EEF1AKMT2: variants seen among roughly 807,000 people sequenced by gnomAD.
EEF1AKMT2 encodes EEF1A lysine methyltransferase 2, also known as eukaryotic translation elongation factor 1 alpha lysine methyltransferase 2.
Under a neutral mutation model 35.8 loss-of-function variants are expected in EEF1AKMT2, and 32 were observed. The observed-to-expected ratio is 0.89, with a 90% CI of 0.67 to 1.20. The LOEUF (loss-of-function observed/expected upper bound fraction) is 1.20, where lower values mean the gene tolerates loss of function less well. Ranked by LOEUF, EEF1AKMT2 falls within the 50% of genes most tolerant of loss-of-function variation. The pLI is 0.00. For missense variants in EEF1AKMT2, 330 were observed against 347.5 expected (o/e 0.95, Z 0.40); for synonymous variants, 121 against 133.7 (o/e 0.91, Z 0.65).
At chr10:124,772,895 T>C (rs925861818) in intron 4 of EEF1AKMT2, among the ~76,000 whole-genome samples, 1 of 152,236 alleles carries the variant, frequency 6.6e-6, no homozygotes, top group African/African-American at 2.4e-5. Flanking sequence ...TGATCTTCTA[T>C]CTGGAGCACT....
At position 124,772,335 on chromosome 10, in the gene EEF1AKMT2, A is replaced by T. The variant is rs144538840; in HGVS notation, c.399+2340T>A. 7.0e-4 allele frequency among the ~76,000 whole-genome samples: 106 copies of T among 151,540 alleles called. 1 individual carries two copies. The East Asian group carries it at 0.016, about 23-fold the overall frequency. ...AGCTTCACTGGTTATTTCCTAGCTA[A>T]CTTGCTACACCTTCTACCTTCTACA... On this transcript the variant is annotated intron_variant, in intron 4 of 6. Coordinates refer to ENST00000368836, the MANE Select transcript of EEF1AKMT2 (RefSeq NM_212554.4).
chr10:124,763,921 GAAAGA>G (rs1272195123), intron 5 of EEF1AKMT2, among the ~76,000 whole-genome samples: 3 of 152,078 alleles, frequency 2.0e-5, no homozygotes, highest in Non-Finnish European at 4.4e-5. Flanking sequence ...TAAATGGCAT[GAAAGA>G]AAAGACAATA....
Position 124,791,821 on chromosome 10 carries a change from C to T in EEF1AKMT2, c.13G>A (p.Ala5Thr), listed in dbSNP as rs753427613. The change falls in exon 1 of 7, where the codon GCT (alanine) becomes ACT (threonine). Residue 5 changes from alanine (A) to threonine (T), a missense_variant. By Grantham distance (58) the Ala-to-Thr change is moderately conservative. Transcript: ENST00000368836. ...ACCGCAGCGCCACCGCCGCCGTCAG[C>T]GCCCGAGCTCATTTCGCTCCACGTC... Reference protein sequence around the residue: MSSGADGGGGAAVAA... With the variant: MSSGTDGGGGAAVAA... The T allele has an allele frequency of 2.5e-6, 4 of 1,580,956 alleles. No individual in the cohort carries two copies. The South Asian group carries it at 3.4e-5, about 14-fold the overall frequency.
intron 3 of EEF1AKMT2, among the ~76,000 whole-genome samples, chr10:124,781,838 T>C (rs1485507076): frequency 6.6e-6 from 1 of 151,954 alleles, no homozygotes; most frequent in African/African-American, 2.4e-5. Context: ...TCCTAGTGCA[T>C]TCCTTAAAAT....
chr10:124,761,281 T>A (rs1950329394), intron 6 of EEF1AKMT2, among the ~76,000 whole-genome samples: 1 of 152,166 alleles, frequency 6.6e-6, no homozygotes, highest in Non-Finnish European at 1.5e-5. Flanking sequence ...GCAAAATAAC[T>A]TGGAAATATA....
chr10:124,760,824 A>G (rs1169130236), intron 6 of EEF1AKMT2, among the ~76,000 whole-genome samples: 2 of 152,202 alleles, frequency 1.3e-5, no homozygotes, highest in Non-Finnish European at 2.9e-5. Flanking sequence ...GTTAGCCTCT[A>G]TCACCTGGTT....
intron 4 of EEF1AKMT2, among the ~76,000 whole-genome samples, chr10:124,768,855 T>G (rs1389668720): frequency 6.6e-6 from 1 of 152,016 alleles, no homozygotes; most frequent in Non-Finnish European, 1.5e-5. Flanking sequence ...TGTAGTAGTT[T>G]AAACAAGAAA....
At chr10:124,773,398 T>TTTTG (rs1950456836) in intron 4 of EEF1AKMT2, among the ~76,000 whole-genome samples, 1 of 152,052 alleles carries the variant, frequency 6.6e-6, no homozygotes, top group Admixed American at 6.6e-5. Flanking sequence ...CACCTGGCTA[T>TTTTG]TTTTTGTACT....
chr10:124,772,861 C>T (rs1224365305), intron 4 of EEF1AKMT2, among the ~76,000 whole-genome samples: 1 of 152,234 alleles, frequency 6.6e-6, no homozygotes, highest in African/African-American at 2.4e-5. Context: ...TAGGCTGTGG[C>T]TTGAGAGAAT....
At chr10:124,791,655 C>A in intron 1 of EEF1AKMT2, 69 bp downstream of exon 1, 1 of 1,535,618 alleles carries the variant, frequency 6.5e-7, no homozygotes, top group Non-Finnish European at 8.7e-7. Flanking sequence ...GTCTCCACCC[C>A]GCCGTCCCCT....
chr10:124,778,197 TAC>T (rs34968256), intron 3 of EEF1AKMT2, among the ~76,000 whole-genome samples: 11 of 150,220 alleles, frequency 7.3e-5, no homozygotes, highest in East Asian at 3.9e-4. Flanking sequence ...AGTCTATACA[TAC>T]ACACACACAC....
At chr10:124,781,155 A>G (rs981488686) in intron 3 of EEF1AKMT2, among the ~76,000 whole-genome samples, 2 of 151,760 alleles carry the variant, frequency 1.3e-5, no homozygotes, top group Admixed American at 1.3e-4. Flanking sequence ...CATGTTGGCC[A>G]GGATGGTCTC....
Position 124,791,753 on chromosome 10 carries a change from G to A in EEF1AKMT2, c.81C>T (p.Phe27=). ...CGCGGGTCCCCAGCGCCGACGGGACGAAACCGTCCTCCCCGGGACTGCCCT... is the reference window on the plus strand; with the variant it reads ...CGCGGGTCCCCAGCGCCGACGGGACAAAACCGTCCTCCCCGGGACTGCCCT... ...SDKGSPGEDG[F]VPSALGTREH... The change falls in exon 1 of 7, where the codon TTC becomes TTT. Residue 27 remains phenylalanine (F), a synonymous_variant. Coordinates refer to ENST00000368836, the MANE Select transcript of EEF1AKMT2 (RefSeq NM_212554.4). The A allele has an allele frequency of 6.3e-7, 1 of 1,594,376 alleles. No individual in the cohort carries two copies. The highest frequency in any genetic ancestry group is 8.5e-7 in the Non-Finnish European group (1 of 1,174,554).
Position 124,765,552 on chromosome 10 carries a change from G to C in EEF1AKMT2, c.456C>G (p.Asp152Glu), listed in dbSNP as rs748283861. The C allele has an allele frequency of 6.2e-7, 1 of 1,613,888 alleles. No individual in the cohort carries two copies. The highest frequency in any genetic ancestry group is 1.7e-5 in the Admixed American group (1 of 60,012). ...GGCTTATGGCATCAAAAGTCCCTTT[G>C]TCAATACAAATATGAAATCCAGACA... ...TQLSGFHICI[D>E]KGTFDAISLN... The change falls in exon 5 of 7, where the codon GAC (aspartate) becomes GAG (glutamate). Residue 152 changes from aspartate to glutamate, a missense_variant. Coordinates refer to ENST00000368836, the MANE Select transcript of EEF1AKMT2 (RefSeq NM_212554.4).
chr10:124,769,218 C>CAAAA (rs1554917142), intron 4 of EEF1AKMT2, among the ~76,000 whole-genome samples: 7 of 31,276 alleles, frequency 2.2e-4, no homozygotes, highest in South Asian at 1.5e-3. Context: ...ACACTGTCTC[C>CAAAA]AAAAAAAAAA....
Position 124,772,069 on chromosome 10 carries a change from T to C in EEF1AKMT2, c.399+2606A>G, listed in dbSNP as rs184694148. Among the ~76,000 whole-genome samples, 105 of 152,300 alleles carry C rather than the reference T, an allele frequency of 6.9e-4. 3 individuals carry two copies. Among genetic ancestry groups the C allele is most frequent in the Admixed American group, 4.8e-3 (73 of 15,292 alleles). On this transcript the variant is annotated intron_variant, in intron 4 of 6. Transcript: ENST00000368836. ...TTTGTTGTTCCATTTATAGAGCTCA[T>C]GCAAAGAAGATCTAGCATAATTCTT...
chr10:124,777,790 C>T (rs555525344), intron 3 of EEF1AKMT2, among the ~76,000 whole-genome samples: 7 of 152,166 alleles, frequency 4.6e-5, no homozygotes, highest in South Asian at 4.1e-4. Context: ...GCCTTGGCCT[C>T]CCAAAGTGCT....
rs1021391459 is a variant in EEF1AKMT2, at chr10:124,759,245, A to C, written c.*1258T>G. On this transcript the variant is annotated 3_prime_UTR_variant, in exon 7 of 7. Transcript: ENST00000368836. The stretch of plus-strand genomic sequence containing the variant: ...CATTAATAAACTGTTTCTCTTGCCA[A>C]ATTAGCCCCTAACTAGAACATCTTT... 1.3e-5 allele frequency: 2 copies of C among 152,200 alleles called. No individual in the cohort carries two copies. Among genetic ancestry groups the C allele is most frequent in the East Asian group, 3.8e-4 (2 of 5,206 alleles). 9.4% of individuals were successfully genotyped at this position (152,200 alleles called of 1,614,324 possible).
At position 124,759,859 on chromosome 10, in the gene EEF1AKMT2, C is replaced by T. The variant is rs984106618; in HGVS notation, c.*644G>A. ...GGCTTGATAACTTGAGCAACTGATA[C>T]ATTTCTCTGATTTTGTTTAATTATA... is the stretch of plus-strand genomic sequence containing the variant. On this transcript the variant is annotated 3_prime_UTR_variant, in exon 7 of 7. Coordinates refer to ENST00000368836, the MANE Select transcript of EEF1AKMT2 (RefSeq NM_212554.4). The T allele has an allele frequency of 5.3e-5, 8 of 152,332 alleles. No homozygotes were observed. The highest frequency in any genetic ancestry group is 1.7e-4 in the African/African-American group (7 of 41,466). 9.4% of individuals were successfully genotyped at this position (152,332 alleles called of 1,614,324 possible).
Sources: allele counts gnomAD v4.1 joint callset (sites outside exome capture counted in the v4.1 genomes callset), GRCh38; gene constraint gnomAD v4.1.1; transcripts MANE v1.5; gene names NCBI Gene and HGNC (gene_info 2026-07-23, HGNC 2026-07-21).